MIDEAS: variants seen among roughly 807,000 people sequenced by gnomAD.
MIDEAS encodes the protein mitotic deacetylase-associated SANT domain protein.
A neutral mutation model predicts 102.7 loss-of-function variants in MIDEAS; 26 were observed. The observed-to-expected ratio is 0.25, with a 90% CI of 0.19 to 0.35. The LOEUF (loss-of-function observed/expected upper bound fraction) is 0.35, where lower values mean the gene tolerates loss of function less well. Ranked by LOEUF, MIDEAS falls within the 10% of genes least tolerant of loss-of-function variation. The pLI is 1.00. For synonymous variants in MIDEAS, 585 were observed against 591.0 expected (o/e 0.99, Z 0.15); for missense variants, 1,231 against 1,435.6 (o/e 0.86, Z 2.30).
At chr14:73,763,449 C>T (rs769373200), upstream of MIDEAS, among the ~76,000 whole-genome samples, 19 of 152,190 alleles carry the variant, frequency 1.2e-4, no homozygotes, top group Non-Finnish European at 2.4e-4. Context: ...TCTCACCTCC[C>T]AGCCACCTTC....
chr14:73,770,763 T>G (rs928162460), intron 1 of MIDEAS, among the ~76,000 whole-genome samples: 13 of 152,120 alleles, frequency 8.5e-5, no homozygotes, highest in African/African-American at 3.1e-4. Flanking sequence ...CAACCACCAT[T>G]TATAGCATTG....
rs571098487 is a variant in MIDEAS at position 73,726,158 on chromosome 14, G to A, written c.2410-50C>T. The A allele has an allele frequency of 3.0e-5, 43 of 1,423,540 alleles. No individual in the cohort carries two copies. In the South Asian group the frequency reaches 5.0e-4, roughly 17 times the overall value. 88.2% of individuals were successfully genotyped at this position (1,423,540 alleles called of 1,614,324 possible). A position where few individuals can be genotyped will look rare whatever the true frequency, so the allele number is the denominator to read the frequency against. The stretch of plus-strand genomic sequence containing the variant: ...CAGGGCACTGACAGGGGTGTCGGTG[G>A]TGGACGGAGCATTCTAGGCCCTGAT... On this transcript the variant is annotated intron_variant, in intron 7 of 12. Transcript: ENST00000423556.
rs1226011693 is a variant in MIDEAS at position 73,738,566 on chromosome 14, A to C, written c.1443T>G (p.Asn481Lys). 3 of 1,572,878 alleles carry C rather than the reference A, an allele frequency of 1.9e-6. No individual in the cohort carries two copies. ...QKAVELASLQNAKDGSGSEEK... is the reference protein window; with the variant it reads ...QKAVELASLQKAKDGSGSEEK... ...CACTGCATGCCACTCTCACCTTTGC[A>C]TTCTGCAGTGAGGCCAGCTCCACAG... The change falls in exon 2 of 13, where the codon AAT (asparagine) becomes AAG (lysine). Residue 481 changes from asparagine to lysine, a missense_variant. This residue lies in a region of MIDEAS where 758 missense variants were observed against 856.0 expected (regional missense o/e 0.89). Coordinates refer to ENST00000423556, the MANE Select transcript of MIDEAS (RefSeq NM_001367710.1).
chr14:73,746,651 G>A (rs548542831), intron 1 of MIDEAS, among the ~76,000 whole-genome samples: 2 of 152,294 alleles, frequency 1.3e-5, no homozygotes, highest in East Asian at 1.9e-4. Context: ...CCCCAGCAGG[G>A]CTAGAGCAGG....
chr14:73,725,489 G>C lies in MIDEAS; in HGVS notation c.2486-129C>G. ...CTGCAGGCATCAGAGCCGGCTCCTC[G>C]TCCCACTTCCATGTGCCTCACAGCC... On this transcript the variant is annotated intron_variant, in intron 8 of 12. Coordinates refer to ENST00000423556, the MANE Select transcript of MIDEAS (RefSeq NM_001367710.1). This position sits in a 1 kb window ranked among gnomAD's most constrained non-coding sequence, Gnocchi z 4.1. 1.4e-6 allele frequency: 1 copy of C among 694,616 alleles called. No individual in the cohort carries two copies. Among genetic ancestry groups the C allele is most frequent in the Non-Finnish European group, 2.5e-6 (1 of 394,304 alleles). The allele number at this position is 694,616 out of a possible 1,614,324, so 43.0% of individuals were successfully genotyped here. A position where few individuals can be genotyped will look rare whatever the true frequency, so the allele number is the denominator to read the frequency against.
At chr14:73,761,031 A>G (rs2053549774), upstream of MIDEAS, among the ~76,000 whole-genome samples, 1 of 151,880 alleles carries the variant, frequency 6.6e-6, no homozygotes, top group Non-Finnish European at 1.5e-5. Context: ...GCCAGGGGAA[A>G]GTTCAGGGGA....
chr14:73,789,769 C>T (rs1251697973), upstream of MIDEAS: 5 of 152,164 alleles, frequency 3.3e-5, no homozygotes, highest in African/African-American at 7.2e-5. Context: ...TAAACTAGGT[C>T]GGGGGTGTGG....
At chr14:73,750,491 T>C (rs989935774) in intron 1 of MIDEAS, among the ~76,000 whole-genome samples, 3 of 152,120 alleles carry the variant, frequency 2.0e-5, no homozygotes, top group Admixed American at 6.5e-5. Flanking sequence ...GGGGTATCTG[T>C]AAAAGCCCCT....
chr14:73,729,952 GCTCCCCCTCCAA>G lies in MIDEAS; in HGVS notation c.1771_1782del (p.Leu591_Glu594del). ...CGCTGCTTTGGTTTCCGCACGGAAG[GCTCCCCCTCCAA>G]CTTGACATTCATGTCCTCTGCCTGG... is the stretch of plus-strand genomic sequence containing the variant. On this transcript the variant is annotated inframe_deletion, in exon 4 of 13. Coordinates refer to ENST00000423556, the MANE Select transcript of MIDEAS (RefSeq NM_001367710.1). The G allele has an allele frequency of 6.2e-7, 1 of 1,600,928 alleles. No homozygotes were observed. Among genetic ancestry groups the G allele is most frequent in the Non-Finnish European group, 8.5e-7 (1 of 1,170,780 alleles).
intron 9 of MIDEAS, 109 bp from the exon 10 acceptor site, chr14:73,722,956 T>G (rs1595252379): frequency 7.5e-7 from 1 of 1,342,264 alleles, no homozygotes; most frequent in Middle Eastern, 2.1e-4. Context: ...CAAGCCAAAA[T>G]GAAACCCAGC....
At chr14:73,745,586 G>T (rs992961542) in intron 1 of MIDEAS, among the ~76,000 whole-genome samples, 1 of 152,212 alleles carries the variant, frequency 6.6e-6, no homozygotes, top group African/African-American at 2.4e-5. Flanking sequence ...ACATTCTGGG[G>T]TCTCCAGCTA....
chr14:73,728,275 A>G (rs1475718835), intron 4 of MIDEAS: 1 of 138,052 alleles, frequency 7.2e-6, no homozygotes, highest in Non-Finnish European at 1.6e-5. Context: ...AAAAAAAAAA[A>G]TCTTTGCTCT....
rs1191527797 is a variant in MIDEAS at position 73,741,640 on chromosome 14, A to ATCGCTCCTCTGCAGGCT, written c.-247-1402_-247-1386dup. Among the ~76,000 whole-genome samples the ATCGCTCCTCTGCAGGCT allele has an allele frequency of 3.3e-5, 5 of 152,046 alleles. No individual in the cohort carries two copies. In the East Asian group the frequency reaches 9.7e-4, roughly 29 times the overall value. ...GCACCAGGAATGCCCCTCCCAGGCT[A>ATCGCTCCTCTGCAGGCT]TCGCTCCTCTGCAGGCTTCCGCAGC... On this transcript the variant is annotated intron_variant, in intron 1 of 12. Coordinates refer to ENST00000423556, the MANE Select transcript of MIDEAS (RefSeq NM_001367710.1).
Position 73,737,057 on chromosome 14 carries a change from A to G in MIDEAS, c.1690T>C (p.Ser564Pro). 2 of 1,614,130 alleles carry G rather than the reference A, an allele frequency of 1.2e-6. No homozygotes were observed. The highest frequency in any genetic ancestry group is 1.7e-6 in the Non-Finnish European group (2 of 1,180,038). ...PEQNPAEHKPSVIVTRRRSTR... is the reference protein window; with the variant it reads ...PEQNPAEHKPPVIVTRRRSTR... ...GACCGCCTGCGGGTGACGATGACTG[A>G]TGGCTTGTGCTCAGCAGGGTTCTGT... The change falls in exon 3 of 13, where the codon TCA becomes CCA. Residue 564 changes from serine to proline, a missense_variant. Ser to Pro is a moderately conservative substitution (Grantham distance 74). Transcript: ENST00000423556.
In MIDEAS at chr14:73,749,244, A is replaced by T. The variant is rs566257668; in HGVS notation, c.-247-8989T>A. The stretch of plus-strand genomic sequence containing the variant: ...GTGAACTGTTTTTTTGTTTCTTTTT[A>T]AAAAAGAGCAGGCCCGGCACAGTGG... On this transcript the variant is annotated intron_variant, in intron 1 of 12. Coordinates refer to ENST00000423556, the MANE Select transcript of MIDEAS (RefSeq NM_001367710.1). 9.9e-5 allele frequency among the ~76,000 whole-genome samples: 15 copies of T among 151,728 alleles called. No homozygotes were observed. In the East Asian group the frequency reaches 1.9e-3, roughly 20 times the overall value.
rs2053250280 is a variant in MIDEAS, at chr14:73,739,295, G to T, written c.714C>A (p.Asn238Lys). 6 of 1,611,696 alleles carry T rather than the reference G, an allele frequency of 3.7e-6. No individual in the cohort carries two copies. In the East Asian group the frequency reaches 1.3e-4, roughly 36 times the overall value. ...TCTGTGGAGGGAAGGCAGCCACCGG[G>T]TTTGGGGGCGGTGGGCCCTGCCGGA... ...QVFRQGPPPP[N>K]PVAAFPPQKQ... is the part of the protein sequence containing the mutation. Residue 238 changes from asparagine to lysine, a missense_variant, in exon 2 of 13, where the codon AAC (asparagine) becomes AAA (lysine). Asn to Lys is a moderately conservative substitution (Grantham distance 94, BLOSUM62 0). Coordinates refer to ENST00000423556, the MANE Select transcript of MIDEAS (RefSeq NM_001367710.1).
intron 1 of MIDEAS, among the ~76,000 whole-genome samples, chr14:73,756,929 G>A (rs1012187201): frequency 2.0e-5 from 3 of 152,104 alleles, no homozygotes; most frequent in African/African-American, 7.2e-5. Context: ...CCCAACACAT[G>A]ACAAGTACAC....
intron 10 of MIDEAS, 134 bp downstream of exon 10, chr14:73,722,564 C>T (rs1277831668): frequency 1.5e-5 from 16 of 1,043,288 alleles, no homozygotes; most frequent in Admixed American, 7.2e-5. Context: ...GGGCTCCTTG[C>T]GGCTGTCAGG....
intron 7 of MIDEAS, 40 bp downstream of exon 7, chr14:73,726,564 C>T (rs1223113611): frequency 6.3e-7 from 1 of 1,595,892 alleles, no homozygotes; most frequent in Non-Finnish European, 8.6e-7. Flanking sequence ...AAGCCAGCCC[C>T]CACTGAGGGG....
Sources: gnomAD v4.1 joint callset for allele counts (sites outside exome capture counted in the v4.1 genomes callset) on GRCh38, gnomAD v4.1.1 for gene constraint, gnomAD v4.1.1 regional missense constraint, Gnocchi (gnomAD v3.1) non-coding constraint, MANE v1.5 for transcripts, NCBI Gene and HGNC (gene_info 2026-07-23, HGNC 2026-07-21) for gene names.